The following BCAS3 variants were observed in gnomAD, a reference collection of about 807,000 sequenced individuals.
BCAS3 encodes the protein BCAS3 microtubule associated cell migration factor, also known as BCAS4/BCAS3 fusion.
BCAS3 carries 53 observed loss-of-function variants against 116.1 expected under a neutral mutation model. The ratio of observed to expected loss-of-function variants is 0.46; its 90% CI spans 0.37 to 0.57. The LOEUF (loss-of-function observed/expected upper bound fraction) is 0.57. BCAS3 is among the 20% of genes least tolerant of loss of function. The pLI, the probability that BCAS3 is intolerant of heterozygous loss-of-function variation, is 0.00. For missense variants in BCAS3, 917 were observed against 1,165.4 expected (o/e 0.79, Z 3.10); for synonymous variants, 391 against 408.2 (o/e 0.96, Z 0.51).
rs989390929 is a variant in BCAS3 at position 61,077,693 on chromosome 17, A to G, written c.2131-640A>G. Among the ~76,000 whole-genome samples the G allele has an allele frequency of 2.0e-5, 3 of 152,200 alleles. No individual in the cohort carries two copies. Among genetic ancestry groups the G allele is most frequent in the Non-Finnish European group, 4.4e-5 (3 of 68,038 alleles). ...ACTAATTAATGGTATTTGGAAGACA[A>G]AAATCTAGTTTGAGAGAAAATATAT... On this transcript the variant is annotated intron_variant, in intron 20 of 23. Coordinates refer to ENST00000407086, the MANE Select transcript of BCAS3 (RefSeq NM_017679.5). This position sits in a 1 kb window ranked among gnomAD's most constrained non-coding sequence, Gnocchi z 4.3.
chr17:61,246,798 T>A (rs868201045), intron 22 of BCAS3, among the ~76,000 whole-genome samples: 4 of 130,484 alleles, frequency 3.1e-5, no homozygotes, highest in Non-Finnish European at 6.9e-5. Flanking sequence ...TGAGAGTGTG[T>A]GTGTGTGTGT....
Position 61,162,811 on chromosome 17 carries a change from G to A in BCAS3, c.2425+78247G>A, listed in dbSNP as rs528090717. Among the ~76,000 whole-genome samples, 3 of 152,350 alleles carry A rather than the reference G, an allele frequency of 2.0e-5. No individual in the cohort carries two copies. Among genetic ancestry groups the A allele is most frequent in the Non-Finnish European group, 2.9e-5 (2 of 68,024 alleles). On this transcript the variant is annotated intron_variant, in intron 22 of 23. Coordinates refer to ENST00000407086, the MANE Select transcript of BCAS3 (RefSeq NM_017679.5). This position sits in a 1 kb window ranked among gnomAD's most constrained non-coding sequence, Gnocchi z 5.6. ...TCCTGATGGAATATGAGAAAGAAAA[G>A]TGTATTATTTACATTCTTAATGTTT...
intron 7 of BCAS3, among the ~76,000 whole-genome samples, chr17:60,835,360 T>A (rs1285265430): frequency 6.6e-6 from 1 of 152,000 alleles, no homozygotes; most frequent in African/African-American, 2.4e-5. Context: ...GGCAGATTTG[T>A]TAGTTTTTTC....
rs2144514292 is a variant in BCAS3, at chr17:61,243,988, G to C, written c.2426-124339G>C. On this transcript the variant is annotated intron_variant, in intron 22 of 23. Coordinates refer to ENST00000407086, the MANE Select transcript of BCAS3 (RefSeq NM_017679.5). The surrounding 1 kb of genome is among the most constrained non-coding windows in gnomAD (Gnocchi z 5.6). ...TTTTTTTTTCAAGAGACAGAGTCTT[G>C]CTATGTTGCCCCAGCTGGTCCTGAA... is the stretch of plus-strand genomic sequence containing the variant. Among the ~76,000 whole-genome samples, 1 of 151,794 alleles carries C rather than the reference G, an allele frequency of 6.6e-6. No individual in the cohort carries two copies. The highest frequency in any genetic ancestry group is 2.4e-5 in the African/African-American group (1 of 41,374).
At chr17:61,055,643 G>A (rs573151535) in intron 19 of BCAS3, among the ~76,000 whole-genome samples, 1 of 152,196 alleles carries the variant, frequency 6.6e-6, no homozygotes, top group Non-Finnish European at 1.5e-5. Flanking sequence ...GTAGTCTGGA[G>A]AACTGGTATA....
chr17:60,699,021 A>G (rs2036022158), intron 4 of BCAS3, among the ~76,000 whole-genome samples: 1 of 152,266 alleles, frequency 6.6e-6, no homozygotes, highest in Non-Finnish European at 1.5e-5. Flanking sequence ...CTGCATCACT[A>G]CACTCTAACC....
intron 23 of BCAS3, among the ~76,000 whole-genome samples, chr17:61,373,732 C>CCCCG (rs200460432): frequency 1.0e-3 from 148 of 148,156 alleles, no homozygotes; most frequent in East Asian, 2.6e-3. Flanking sequence ...ATGCCCAGCC[C>CCCCG]CTGTTTAAAG....
rs999851358 is a variant in BCAS3 at position 61,347,789 on chromosome 17, C to T, written c.2426-20538C>T. Reference sequence around the variant, plus strand: ...CCAGAAGGGGAGTGGTAGACTTTTCCGGCTGACCTAAGTCCTCAAAGATGA... The same window carrying T: ...CCAGAAGGGGAGTGGTAGACTTTTCTGGCTGACCTAAGTCCTCAAAGATGA... On this transcript the variant is annotated intron_variant, in intron 22 of 23. Coordinates refer to ENST00000407086, the MANE Select transcript of BCAS3 (RefSeq NM_017679.5). This position sits in a 1 kb window ranked among gnomAD's most constrained non-coding sequence, Gnocchi z 4.3. Among the ~76,000 whole-genome samples, 3 of 152,102 alleles carry T rather than the reference C, an allele frequency of 2.0e-5. No individual in the cohort carries two copies. The highest frequency in any genetic ancestry group is 4.4e-5 in the Non-Finnish European group (3 of 68,032).
At position 61,174,025 on chromosome 17, in the gene BCAS3, AAAGT is replaced by A. The variant is rs200897895; in HGVS notation, c.2425+89462_2425+89465del. On this transcript the variant is annotated intron_variant, in intron 22 of 23. Coordinates refer to ENST00000407086, the MANE Select transcript of BCAS3 (RefSeq NM_017679.5). ...GAAATTGCACATCATCAAAATCAAG[AAAGT>A]CAGTTCCTCTAATGATACTATTAAT... is the stretch of plus-strand genomic sequence containing the variant. Among the ~76,000 whole-genome samples, 1,421 of 152,352 alleles carry A rather than the reference AAAGT, an allele frequency of 9.3e-3. 11 individuals are homozygous for A. Among genetic ancestry groups the A allele is most frequent in the Non-Finnish European group, 0.015 (1,000 of 68,032 alleles).
At position 60,889,704 on chromosome 17, in the gene BCAS3, C is replaced by G; in HGVS notation, c.671C>G (p.Pro224Arg). 1 of 1,613,094 alleles carries G rather than the reference C, an allele frequency of 6.2e-7. No individual in the cohort carries two copies. Among genetic ancestry groups the G allele is most frequent in the Non-Finnish European group, 8.5e-7 (1 of 1,179,758 alleles). Residue 224 changes from proline (P) to arginine (R), a missense_variant, in exon 10 of 24, where the codon CCA becomes CGA. By Grantham distance (103) the Pro-to-Arg change is moderately radical. Coordinates refer to ENST00000407086, the MANE Select transcript of BCAS3 (RefSeq NM_017679.5). ...TKKFFVTSCYPCPGPNMNPIA... is the reference protein window; with the variant it reads ...TKKFFVTSCYRCPGPNMNPIA... ...ATTTGAAATTTTTCAGGCTGCTATC[C>G]ATGTCCAGGGCCAAACATGAATCCT...
intron 13 of BCAS3, among the ~76,000 whole-genome samples, chr17:60,934,459 T>C (rs979464887): frequency 6.6e-6 from 1 of 152,210 alleles, no homozygotes; most frequent in African/African-American, 2.4e-5. Flanking sequence ...TACAATAATA[T>C]AAACATAGTA....
chr17:61,267,088 C>T (rs1000406981), intron 22 of BCAS3, among the ~76,000 whole-genome samples: 20 of 152,134 alleles, frequency 1.3e-4, no homozygotes, highest in Non-Finnish European at 2.2e-4. Context: ...GACGGAGTCT[C>T]GCTCTGTCGC....
Position 61,368,200 on chromosome 17 carries a change from G to A in BCAS3, c.2426-127G>A, listed in dbSNP as rs140420032. On this transcript the variant is annotated intron_variant, in intron 22 of 23. Transcript: ENST00000407086. The surrounding 1 kb of genome is among the most constrained non-coding windows in gnomAD (Gnocchi z 6.0). ...CTGCGCTACCCAGTCTGTTGGCGGC[G>A]TGCTTCCATCCTACAGGAAGGCTAC... 465 of 997,180 alleles carry A rather than the reference G, an allele frequency of 4.7e-4. 2 individuals are homozygous for A. In the African/African-American group the frequency reaches 6.4e-3, roughly 14 times the overall value. The allele number at this position is 997,180 out of a possible 1,614,324, so 61.8% of individuals were successfully genotyped here. A position where few individuals can be genotyped will look rare whatever the true frequency, so the allele number is the denominator to read the frequency against.
intron 4 of BCAS3, among the ~76,000 whole-genome samples, chr17:60,700,185 A>AAAAAAAAAAAAAAAAAAAAAAAAAAAAAG (rs1319555739): frequency 7.5e-5 from 11 of 147,136 alleles, no homozygotes; most frequent in African/African-American, 2.4e-4. Flanking sequence ...AAAAAAAAAA[A>AAAAAAAAAAAAAAAAAAAAAAAAAAAAAG]GAAGCAGTTC....
intron 22 of BCAS3, among the ~76,000 whole-genome samples, chr17:61,143,943 C>A (rs2077058599): frequency 6.6e-6 from 1 of 152,138 alleles, no homozygotes; most frequent in Non-Finnish European, 1.5e-5. Context: ...GTGTGAAGCA[C>A]CAAGTAGATG....
chr17:61,146,756 G>T (rs891260014), intron 22 of BCAS3, among the ~76,000 whole-genome samples: 2 of 152,168 alleles, frequency 1.3e-5, no homozygotes, highest in African/African-American at 4.8e-5. Flanking sequence ...CAGAATGTAT[G>T]ACTTTGCTGA....
At chr17:60,940,416 G>A (rs1478762668) in intron 13 of BCAS3, among the ~76,000 whole-genome samples, 3 of 152,162 alleles carry the variant, frequency 2.0e-5, no homozygotes, top group Non-Finnish European at 4.4e-5. Context: ...GCTGCTGTAA[G>A]CTAGTTTATG....
chr17:60,904,366 T>A (rs146994837), intron 11 of BCAS3, among the ~76,000 whole-genome samples: 3,610 of 152,126 alleles, frequency 0.024, 63 homozygotes, highest in Non-Finnish European at 0.036. Flanking sequence ...ATCACGCCAC[T>A]GTACTCCAGC....
rs1189350354 is a variant in BCAS3 at position 61,196,503 on chromosome 17, C to CA, written c.2425+111945dup. Among the ~76,000 whole-genome samples the CA allele has an allele frequency of 1.3e-5, 2 of 152,176 alleles. No homozygotes were observed. The highest frequency in any genetic ancestry group is 2.9e-5 in the Non-Finnish European group (2 of 68,022). The stretch of plus-strand genomic sequence containing the variant: ...ATATGCTTTCTCAAGCCCACAAAAA[C>CA]AAAAAACCCCAACCCAACAGCTGGG... On this transcript the variant is annotated intron_variant, in intron 22 of 23. Coordinates refer to ENST00000407086, the MANE Select transcript of BCAS3 (RefSeq NM_017679.5). This position sits in a 1 kb window ranked among gnomAD's most constrained non-coding sequence, Gnocchi z 4.7.
Sources: allele counts gnomAD v4.1 joint callset (sites outside exome capture counted in the v4.1 genomes callset), GRCh38; gene constraint gnomAD v4.1.1; non-coding constraint Gnocchi (gnomAD v3.1); transcripts MANE v1.5; gene names NCBI Gene and HGNC (gene_info 2026-07-23, HGNC 2026-07-21).